Variants in ACER3 observed in about 807,000 individuals in gnomAD.
ACER3 encodes the protein alkaline ceramidase 3.
Under a neutral mutation model 48.9 loss-of-function variants are expected in ACER3, and 16 were observed. That is an observed-to-expected ratio of 0.33 (90% CI 0.22 to 0.50). ACER3 has a LOEUF of 0.50. Among genes scored for constraint, ACER3 ranks in the 20% least tolerant of loss-of-function variants. The pLI is 0.98. For synonymous variants in ACER3, 109 were observed against 107.8 expected (o/e 1.01, Z -0.07); for missense variants, 227 against 326.0 (o/e 0.70, Z 2.34).
chr11:76,981,785 T>G (rs956745670), intron 4 of ACER3, among the ~76,000 whole-genome samples: 1 of 152,242 alleles, frequency 6.6e-6, no homozygotes, highest in African/African-American at 2.4e-5. Flanking sequence ...TTTACCAATG[T>G]TGAACATTAA....
At chr11:76,979,912 G>A (rs1233828087) in intron 4 of ACER3, among the ~76,000 whole-genome samples, 13 of 152,178 alleles carry the variant, frequency 8.5e-5, no homozygotes, top group East Asian at 5.8e-4. Context: ...GCCAAGGTGG[G>A]AGGATCGCTT....
chr11:77,011,536 A>G (rs1949263725), intron 7 of ACER3, among the ~76,000 whole-genome samples: 1 of 152,164 alleles, frequency 6.6e-6, no homozygotes, highest in Non-Finnish European at 1.5e-5. Context: ...GGGCTATGAT[A>G]AACTCTGAAA....
At position 77,022,883 on chromosome 11, in the gene ACER3, A is replaced by AG. The variant is rs1949494068; in HGVS notation, c.*2556_*2557insG. On this transcript the variant is annotated 3_prime_UTR_variant, in exon 11 of 11. Transcript: ENST00000532485. ...GACTCCGTCTCAAAAAAAAAAAAAA[A>AG]AAAAAAAAAGAAAAGAAAAGAAAAT... 9.3e-5 allele frequency: 2 copies of AG among 21,620 alleles called. No individual in the cohort carries two copies. Among genetic ancestry groups the AG allele is most frequent in the African/African-American group, 3.5e-4 (2 of 5,720 alleles). The allele number at this position is 21,620 out of a possible 1,614,324, so 1.3% of individuals were successfully genotyped here.
In ACER3 at chr11:76,967,329, CAA is replaced by C. The variant is rs1948165751; in HGVS notation, c.267+8302_267+8303del. Among the ~76,000 whole-genome samples, 4 of 152,272 alleles carry C rather than the reference CAA, an allele frequency of 2.6e-5. No homozygotes were observed. The South Asian group carries it at 8.3e-4, about 32-fold the overall frequency. On this transcript the variant is annotated intron_variant, in intron 3 of 10. Coordinates refer to ENST00000532485, the MANE Select transcript of ACER3 (RefSeq NM_018367.7). The stretch of plus-strand genomic sequence containing the variant: ...AGGCAATAATTAATAGCTTACCAAC[CAA>C]AAAGAGTCCAGGACCAGACGGATTC...
chr11:76,880,528 C>A (rs529006923), intron 1 of ACER3, among the ~76,000 whole-genome samples: 1 of 152,336 alleles, frequency 6.6e-6, no homozygotes, highest in South Asian at 2.1e-4. Flanking sequence ...CCATGCCAGT[C>A]GGAAGCCCCA....
intron 2 of ACER3, among the ~76,000 whole-genome samples, chr11:76,936,928 G>A (rs1177416676): frequency 6.6e-6 from 1 of 152,006 alleles, no homozygotes; most frequent in Admixed American, 6.6e-5. Flanking sequence ...TGTTGGCCAG[G>A]CTGATCTTGA....
At chr11:76,944,090 A>G (rs1448533338) in intron 2 of ACER3, among the ~76,000 whole-genome samples, 1 of 151,980 alleles carries the variant, frequency 6.6e-6, no homozygotes, top group Non-Finnish European at 1.5e-5. Flanking sequence ...TAGCTGGATC[A>G]TGCTTTCTAA....
intron 2 of ACER3, among the ~76,000 whole-genome samples, chr11:76,951,524 G>T (rs1295091520): frequency 1.3e-5 from 2 of 152,142 alleles, no homozygotes; most frequent in African/African-American, 2.4e-5. Flanking sequence ...ATTCTCCCTT[G>T]ATTTCTTGTT....
intron 2 of ACER3, among the ~76,000 whole-genome samples, chr11:76,930,449 T>C (rs1467471811): frequency 1.3e-5 from 2 of 152,058 alleles, no homozygotes; most frequent in African/African-American, 4.8e-5. Context: ...GAAGGGTTTT[T>C]TGTGTCTCTA....
chr11:76,934,493 C>G (rs1215356636), intron 2 of ACER3, among the ~76,000 whole-genome samples: 1 of 152,250 alleles, frequency 6.6e-6, no homozygotes, highest in African/African-American at 2.4e-5. Flanking sequence ...GGAGACCAGC[C>G]CGGCCAACGC....
At chr11:76,979,676 G>A (rs764394859) in intron 4 of ACER3, among the ~76,000 whole-genome samples, 13 of 151,810 alleles carry the variant, frequency 8.6e-5, no homozygotes, top group African/African-American at 1.2e-4. Flanking sequence ...GATATAGAAC[G>A]GGGATCAGAA....
At chr11:76,972,379 G>A (rs1360788388) in intron 3 of ACER3, among the ~76,000 whole-genome samples, 2 of 152,116 alleles carry the variant, frequency 1.3e-5, no homozygotes, top group East Asian at 3.9e-4. Flanking sequence ...GACACCATTT[G>A]TATATCTTCA....
intron 2 of ACER3, among the ~76,000 whole-genome samples, chr11:76,938,084 G>C (rs572325538): frequency 6.6e-6 from 1 of 152,088 alleles, no homozygotes; most frequent in Non-Finnish European, 1.5e-5. Flanking sequence ...GTGCAATCAC[G>C]GCTCTCTACA....
chr11:76,991,772 C>T (rs1948807509), intron 6 of ACER3, among the ~76,000 whole-genome samples: 4 of 142,504 alleles, frequency 2.8e-5, no homozygotes, highest in Admixed American at 2.2e-4. Flanking sequence ...GCCGGGATTG[C>T]ACCACTGCAC....
At chr11:77,014,900 G>A in intron 7 of ACER3, 116 bp from the exon 8 acceptor site, 1 of 682,670 alleles carries the variant, frequency 1.5e-6, no homozygotes, top group South Asian at 1.6e-5. Context: ...CTCCAGCCTG[G>A]GCAACATAGT....
At chr11:76,992,101 A>G (rs1948817323) in intron 6 of ACER3, among the ~76,000 whole-genome samples, 1 of 151,762 alleles carries the variant, frequency 6.6e-6, no homozygotes, top group Non-Finnish European at 1.5e-5. Context: ...ATTCCTAGTT[A>G]CTTGGGAAGC....
At chr11:76,940,074 C>T (rs1329731719) in intron 2 of ACER3, among the ~76,000 whole-genome samples, 1 of 152,182 alleles carries the variant, frequency 6.6e-6, no homozygotes, top group African/African-American at 2.4e-5. Flanking sequence ...GGTAAAGAGT[C>T]ATGCTCTCTG....
At chr11:76,938,002 G>T (rs1249503462) in intron 2 of ACER3, among the ~76,000 whole-genome samples, 1 of 151,980 alleles carries the variant, frequency 6.6e-6, no homozygotes, top group African/African-American at 2.4e-5. Context: ...TTTGTTTTTT[G>T]GGGTTGTTTG....
chr11:76,917,637 G>T (rs965522533), intron 1 of ACER3, among the ~76,000 whole-genome samples: 4 of 152,052 alleles, frequency 2.6e-5, no homozygotes, highest in African/African-American at 9.7e-5. Context: ...TGGGAGGATT[G>T]CTTGAGTCAA....
Sources: gnomAD v4.1 joint callset for allele counts (sites outside exome capture counted in the v4.1 genomes callset) on GRCh38, gnomAD v4.1.1 for gene constraint, MANE v1.5 for transcripts, NCBI Gene and HGNC (gene_info 2026-07-23, HGNC 2026-07-21) for gene names.